Variants in ZNF469 observed in about 807,000 individuals in gnomAD.
ZNF469 encodes the protein zinc finger protein 469.
ZNF469 carries 1 observed loss-of-function variant against 1.0 expected under a neutral mutation model. That is an observed-to-expected ratio of 1.00 (90% CI 0.35 to 4.73). ZNF469 has a LOEUF of 4.73. ZNF469 is among the 30% of genes most tolerant of loss of function. ZNF469 has a pLI of 0.16. For synonymous variants in ZNF469, 2,703 were observed against 2,363.4 expected, an observed-to-expected ratio of 1.14 and a Z score of -4.17; for missense variants, 6,100 against 5,356.3, an observed-to-expected ratio of 1.14 and a Z score of -4.33.
chr16:88,357,717 A>G, the ZNF469 span, among the ~76,000 whole-genome samples: 4 of 152,190 alleles, frequency 2.6e-5, no homozygotes, highest in South Asian at 2.1e-4. Context: ...TTCATTTCCC[A>G]TCGCATTTAT....
chr16:88,209,217 C>T, the ZNF469 span, among the ~76,000 whole-genome samples: 2 of 152,270 alleles, frequency 1.3e-5, no homozygotes, highest in East Asian at 3.9e-4. Flanking sequence ...CAACACTGTC[C>T]CTCACCTCCT....
chr16:88,318,920 C>T, the ZNF469 span, among the ~76,000 whole-genome samples: 2 of 152,372 alleles, frequency 1.3e-5, no homozygotes, highest in South Asian at 4.1e-4. Flanking sequence ...CTTCAGATGT[C>T]AGCTGTATGA....
chr16:88,155,425 T>C, the ZNF469 span, among the ~76,000 whole-genome samples: 1 of 152,240 alleles, frequency 6.6e-6, no homozygotes, highest in Non-Finnish European at 1.5e-5. Flanking sequence ...AGAGCATTCT[T>C]GTTGCCCCAA....
intron 1 of ZNF469, among the ~76,000 whole-genome samples, chr16:88,401,032 C>T (rs898423539): frequency 6.6e-6 from 1 of 152,144 alleles, no homozygotes; most frequent in Non-Finnish European, 1.5e-5. Flanking sequence ...CCCACCAAGC[C>T]TGGCTCCCTC....
At chr16:88,248,511 A>C in the ZNF469 span, among the ~76,000 whole-genome samples, 1 of 151,048 alleles carries the variant, frequency 6.6e-6, no homozygotes, top group African/African-American at 2.4e-5. Flanking sequence ...CAGCCTGGGC[A>C]AGATAGTGAG....
the ZNF469 span, among the ~76,000 whole-genome samples, chr16:88,323,181 C>T: frequency 6.4e-4 from 97 of 152,296 alleles, no homozygotes; most frequent in African/African-American, 2.3e-3. Context: ...CGGTGGCCAC[C>T]CTGCCTTCTG....
chr16:88,372,885 TCAC>T, the ZNF469 span, among the ~76,000 whole-genome samples: 1 of 151,794 alleles, frequency 6.6e-6, no homozygotes, highest in African/African-American at 2.4e-5. Context: ...TTCACCATCA[TCAC>T]CACCACTACC....
chr16:88,218,537 C>T, the ZNF469 span, among the ~76,000 whole-genome samples: 35 of 152,212 alleles, frequency 2.3e-4, no homozygotes, highest in South Asian at 3.9e-3. Context: ...TCTCAATAGA[C>T]GCAGAAAAAG....
intron 1 of ZNF469, among the ~76,000 whole-genome samples, chr16:88,419,198 G>A (rs1905385678): frequency 6.6e-6 from 1 of 152,376 alleles, no homozygotes; most frequent in Admixed American, 6.5e-5. Flanking sequence ...GAGGCTAGCT[G>A]GCTTCAGGGG....
At chr16:88,352,375 G>T in the ZNF469 span, among the ~76,000 whole-genome samples, 1 of 152,248 alleles carries the variant, frequency 6.6e-6, no homozygotes, top group South Asian at 2.1e-4. Flanking sequence ...TCATCTGAGA[G>T]AATTTCACTT....
In ZNF469 at chr16:88,436,949, G is replaced by A; in HGVS notation, c.9479G>A (p.Arg3160Gln). 3 of 1,494,424 alleles carry A rather than the reference G, an allele frequency of 2.0e-6. No homozygotes were observed. The highest frequency in any genetic ancestry group is 2.6e-5 in the South Asian group (2 of 77,794). 92.6% of individuals were successfully genotyped at this position (1,494,424 alleles called of 1,614,324 possible). Reference sequence around the variant, plus strand: ...AGGTTTGGCTCGCGGGAGCTGCTGCGGGGGCACCTGCAGGAGAGGCACGCG... The same window carrying A: ...AGGTTTGGCTCGCGGGAGCTGCTGCAGGGGCACCTGCAGGAGAGGCACGCG... Reference protein sequence around the residue: ...ERRFGSRELLRGHLQERHAQS... With the variant: ...ERRFGSRELLQGHLQERHAQS... The change falls in exon 3 of 3, where the codon CGG becomes CAG. Residue 3160 changes from arginine to glutamine, a missense_variant. By Grantham distance (43) the Arg-to-Gln change is conservative. Coordinates refer to ENST00000565624, the MANE Select transcript of ZNF469 (RefSeq NM_001367624.2).
the ZNF469 span, among the ~76,000 whole-genome samples, chr16:88,220,080 A>G: frequency 6.6e-6 from 1 of 152,138 alleles, no homozygotes; most frequent in Non-Finnish European, 1.5e-5. Flanking sequence ...TTCCAAAGAC[A>G]ATTTTGTGTC....
rs1245818626 is a variant in ZNF469 at position 88,430,500 on chromosome 16, C to G, written c.3030C>G (p.Pro1010=). 5 of 1,421,278 alleles carry G rather than the reference C, an allele frequency of 3.5e-6. No individual in the cohort carries two copies. In the African/African-American group the frequency reaches 7.6e-5, roughly 21 times the overall value. The allele number at this position is 1,421,278 out of a possible 1,614,324, so 88.0% of individuals were successfully genotyped here. ...QAPGSRADPA[P]RVPRAAALPE... ...CCGGGAGCCGCGCAGACCCCGCGCCCCGGGTCCCGAGAGCCGCCGCCCTCC... is the reference window on the plus strand; with the variant it reads ...CCGGGAGCCGCGCAGACCCCGCGCCGCGGGTCCCGAGAGCCGCCGCCCTCC... Residue 1010 remains proline, a synonymous_variant, in exon 3 of 3, where the codon CCC becomes CCG. Transcript: ENST00000565624.
At chr16:88,365,627 C>T in the ZNF469 span, among the ~76,000 whole-genome samples, 1 of 152,340 alleles carries the variant, frequency 6.6e-6, no homozygotes, top group Middle Eastern at 3.4e-3. Context: ...TGCCTTTTCT[C>T]AGCTGGTCCA....
chr16:88,386,652 G>C (rs1195246469), intron 1 of ZNF469, among the ~76,000 whole-genome samples: 1 of 152,164 alleles, frequency 6.6e-6, no homozygotes, highest in Non-Finnish European at 1.5e-5. Flanking sequence ...TCCAGACACA[G>C]CTCCATCCAC....
At chr16:88,389,491 C>T (rs1489764646) in intron 1 of ZNF469, among the ~76,000 whole-genome samples, 1 of 152,216 alleles carries the variant, frequency 6.6e-6, no homozygotes, top group Non-Finnish European at 1.5e-5. Context: ...TCTGTGTGGG[C>T]ACCCACTGTC....
chr16:88,307,558 C>T, the ZNF469 span, among the ~76,000 whole-genome samples: 1 of 152,174 alleles, frequency 6.6e-6, no homozygotes, highest in Non-Finnish European at 1.5e-5. Context: ...GAAGTGGCAT[C>T]TCATTGTGGT....
At chr16:88,352,679 T>A in the ZNF469 span, among the ~76,000 whole-genome samples, 1 of 152,192 alleles carries the variant, frequency 6.6e-6, no homozygotes, top group African/African-American at 2.4e-5. Context: ...TTCCCCTCCC[T>A]GGCTGGTAGC....
At chr16:88,297,915 T>C in the ZNF469 span, among the ~76,000 whole-genome samples, 1 of 152,292 alleles carries the variant, frequency 6.6e-6, no homozygotes, top group African/African-American at 2.4e-5. Flanking sequence ...CAGGAGTCCC[T>C]GGGAGGTGAC....
Sources: gnomAD v4.1 joint callset for allele counts (sites outside exome capture counted in the v4.1 genomes callset) on GRCh38, gnomAD v4.1.1 for gene constraint, MANE v1.5 for transcripts, NCBI Gene and HGNC (gene_info 2026-07-23, HGNC 2026-07-21) for gene names.